Variants in ADD3 observed in about 807,000 individuals in gnomAD.
ADD3 encodes the protein adducin 3.
Under a neutral mutation model 80.2 loss-of-function variants are expected in ADD3, and 25 were observed. That is an observed-to-expected ratio of 0.31 (90% CI 0.23 to 0.44). The LOEUF (loss-of-function observed/expected upper bound fraction) is 0.44. Ranked by LOEUF, ADD3 falls within the 20% of genes least tolerant of loss-of-function variation. ADD3 has a pLI of 1.00. For missense variants in ADD3, 829 were observed against 847.5 expected (o/e 0.98, Z 0.27); for synonymous variants, 284 against 289.6 (o/e 0.98, Z 0.20).
chr10:110,024,950 CAG>C (rs1477704180), intron 1 of ADD3, among the ~76,000 whole-genome samples: 1 of 149,796 alleles, frequency 6.7e-6, no homozygotes, highest in African/African-American at 2.5e-5. Flanking sequence ...TTTTTGGAGA[CAG>C]AGTCTCACTC....
chr10:110,127,905 C>G (rs935827486), intron 12 of ADD3, among the ~76,000 whole-genome samples: 1 of 152,048 alleles, frequency 6.6e-6, no homozygotes, highest in Admixed American at 6.6e-5. Flanking sequence ...GTCTGAAATG[C>G]CTTTATTCTA....
intron 2 of ADD3, among the ~76,000 whole-genome samples, chr10:110,109,670 G>C (rs61456843): frequency 0.066 from 10,000 of 152,218 alleles, 564 homozygotes; most frequent in African/African-American, 0.15. Context: ...TGGTTTTGAA[G>C]GGAAGATAGA....
At chr10:110,083,725 T>C (rs922205281) in intron 1 of ADD3, among the ~76,000 whole-genome samples, 3 of 152,176 alleles carry the variant, frequency 2.0e-5, no homozygotes, top group Non-Finnish European at 4.4e-5. Context: ...GATGCTTTTT[T>C]ATTTCCTTGG....
chr10:110,024,133 A>G (rs1378665654), intron 1 of ADD3, among the ~76,000 whole-genome samples: 4 of 152,210 alleles, frequency 2.6e-5, no homozygotes, highest in African/African-American at 9.7e-5. Flanking sequence ...CCGTGTAATA[A>G]GCCTGCAGAG....
At chr10:110,081,604 ACT>A (rs1049438549) in intron 1 of ADD3, among the ~76,000 whole-genome samples, 1 of 152,100 alleles carries the variant, frequency 6.6e-6, no homozygotes, top group African/African-American at 2.4e-5. Flanking sequence ...CACTAATTGA[ACT>A]CTAAGTAATG....
intron 1 of ADD3, among the ~76,000 whole-genome samples, chr10:110,057,247 G>A (rs909349524): frequency 6.6e-6 from 1 of 152,114 alleles, no homozygotes; most frequent in Non-Finnish European, 1.5e-5. Flanking sequence ...ATATTATATT[G>A]TTACTTATCC....
intron 1 of ADD3, among the ~76,000 whole-genome samples, chr10:110,037,054 G>T (rs1855748957): frequency 6.6e-6 from 1 of 152,148 alleles, no homozygotes; most frequent in Non-Finnish European, 1.5e-5. Flanking sequence ...ATTCTGGGAG[G>T]ACTAGGTATA....
chr10:110,031,356 T>C (rs1420282418), intron 1 of ADD3, among the ~76,000 whole-genome samples: 1 of 152,212 alleles, frequency 6.6e-6, no homozygotes, highest in Non-Finnish European at 1.5e-5. Context: ...CTAGGTACTT[T>C]AGGTAAAATC....
intron 1 of ADD3, among the ~76,000 whole-genome samples, chr10:110,025,744 C>G (rs1187630729): frequency 6.6e-6 from 1 of 152,112 alleles, no homozygotes; most frequent in Non-Finnish European, 1.5e-5. Context: ...CTGTCCAGTG[C>G]TTTTTTCACT....
At chr10:110,125,430 GT>G (rs10571033) in intron 10 of ADD3, among the ~76,000 whole-genome samples, 39,315 of 145,392 alleles carry the variant, frequency 0.27, 7,307 homozygotes, top group African/African-American at 0.53. Context: ...TATTTCTTAA[GT>G]TTTTTTTTTT....
intron 1 of ADD3, among the ~76,000 whole-genome samples, chr10:110,076,733 A>G (rs983501805): frequency 1.3e-5 from 2 of 152,240 alleles, no homozygotes; most frequent in African/African-American, 4.8e-5. Flanking sequence ...CTCTACTTCC[A>G]TCTAACATTC....
intron 1 of ADD3, among the ~76,000 whole-genome samples, chr10:110,039,959 AG>A: frequency 6.6e-6 from 1 of 152,294 alleles, no homozygotes; most frequent in South Asian, 2.1e-4. Context: ...AAGGATGGGG[AG>A]GACCCAAGAT....
At chr10:110,099,782 C>T (rs951382340) in intron 1 of ADD3, among the ~76,000 whole-genome samples, 13 of 152,204 alleles carry the variant, frequency 8.5e-5, no homozygotes, top group Non-Finnish European at 1.9e-4. Context: ...TTCTATTCTG[C>T]ATGGCCAAAG....
chr10:110,085,979 C>T (rs1319185463), intron 1 of ADD3, among the ~76,000 whole-genome samples: 1 of 152,084 alleles, frequency 6.6e-6, no homozygotes, highest in East Asian at 1.9e-4. Context: ...GTGGTACAAG[C>T]CTGTAATCCC....
In ADD3 at chr10:110,102,513, G is replaced by A. The variant is rs138677229; in HGVS notation, c.195+1665G>A. 1.4e-3 allele frequency among the ~76,000 whole-genome samples: 217 copies of A among 152,204 alleles called. 2 individuals are homozygous for A. The highest frequency in any genetic ancestry group is 4.9e-3 in the African/African-American group (205 of 41,528). On this transcript the variant is annotated intron_variant, in intron 2 of 14. Transcript: ENST00000356080. ...AGTCTCATACTTGGGAGGCTGAGTC[G>A]AAAGGATTACTTGAGCCCAGTAGAT...
At chr10:110,030,130 C>T (rs944898364) in intron 1 of ADD3, among the ~76,000 whole-genome samples, 1 of 146,184 alleles carries the variant, frequency 6.8e-6, no homozygotes, top group Non-Finnish European at 1.5e-5. Context: ...TCGAGACCAG[C>T]CTGACCAACA....
chr10:110,117,847 C>G (rs1000534353), intron 5 of ADD3, among the ~76,000 whole-genome samples: 1 of 152,060 alleles, frequency 6.6e-6, no homozygotes, highest in Non-Finnish European at 1.5e-5. Context: ...AACCCCATCT[C>G]TACTAAAGAT....
In ADD3 at chr10:110,119,254, CTCT is replaced by C; in HGVS notation, c.768_770del (p.Leu257del). On this transcript the variant is annotated inframe_deletion, in exon 7 of 15. Coordinates refer to ENST00000356080, the MANE Select transcript of ADD3 (RefSeq NM_016824.5). ...GGGATCCTTCCAATTTCTCAAGAGT[CTCT>C]TCTTCTGGGAGATGTTGCCTATTAT... The C allele has an allele frequency of 1.9e-6, 3 of 1,614,126 alleles. No homozygotes were observed. The highest frequency in any genetic ancestry group is 1.1e-5 in the South Asian group (1 of 91,082).
At chr10:110,127,831 C>A (rs983630628) in intron 12 of ADD3, among the ~76,000 whole-genome samples, 1 of 152,130 alleles carries the variant, frequency 6.6e-6, no homozygotes, top group African/African-American at 2.4e-5. Context: ...TTCTTGATTT[C>A]CTCCTTTACT....
Sources: gnomAD v4.1 joint callset for allele counts (sites outside exome capture counted in the v4.1 genomes callset) on GRCh38, gnomAD v4.1.1 for gene constraint, MANE v1.5 for transcripts, NCBI Gene and HGNC (gene_info 2026-07-23, HGNC 2026-07-21) for gene names.